AMMECR1: variants seen among roughly 807,000 people sequenced by gnomAD.
AMMECR1 encodes the protein AMMECR nuclear protein 1, also known as nuclear protein AMMECR1.
Under a neutral mutation model 22.5 loss-of-function variants are expected in AMMECR1, and 3 were observed. The observed-to-expected ratio is 0.13, with a 90% confidence interval of 0.06 to 0.35. AMMECR1 has a LOEUF of 0.35. Ranked by LOEUF, AMMECR1 falls within the 10% of genes least tolerant of loss-of-function variation. The probability of loss-of-function intolerance (pLI) is 1.00; values close to 1 mark genes in which losing one functional copy is unlikely to be tolerated. For missense variants in AMMECR1, 235 were observed against 278.7 expected (o/e 0.84, Z 1.12); for synonymous variants, 130 against 116.7 (o/e 1.11, Z -0.74).
intron 2 of AMMECR1, among the ~76,000 whole-genome samples, chrX:110,365,696 C>A (rs989208636): frequency 2.7e-5 from 3 of 111,996 alleles, no homozygotes; most frequent in African/African-American, 9.7e-5. Flanking sequence ...CAGACTAAAC[C>A]TATTTTCCTT....
chrX:110,385,231 G>C (rs745579296), intron 2 of AMMECR1, among the ~76,000 whole-genome samples: 1 of 111,430 alleles, frequency 9.0e-6, no homozygotes, highest in South Asian at 3.9e-4. Flanking sequence ...CTACCTCTTA[G>C]GGTTTTGTGA....
At chrX:110,204,598 TA>T (rs777283510) in intron 3 of AMMECR1, among the ~76,000 whole-genome samples, 4 of 111,920 alleles carry the variant, frequency 3.6e-5, no homozygotes, top group Non-Finnish European at 7.5e-5. Context: ...CTAAGATTTT[TA>T]AAAGTGATTT....
At chrX:110,308,542 T>C (rs1249585635) in intron 1 of AMMECR1, among the ~76,000 whole-genome samples, 3 of 111,102 alleles carry the variant, frequency 2.7e-5, no homozygotes, top group South Asian at 3.8e-4. Flanking sequence ...GTCGGAAAAA[T>C]AGAATATTAT....
chrX:110,210,947 A>G (rs1179669320), intron 3 of AMMECR1, among the ~76,000 whole-genome samples: 3 of 111,757 alleles, frequency 2.7e-5, no homozygotes, highest in Non-Finnish European at 3.8e-5. Context: ...CCCACCCAGC[A>G]TGGGTTGATT....
intron 1 of AMMECR1, among the ~76,000 whole-genome samples, chrX:110,430,426 A>G (rs1176457209): frequency 2.7e-5 from 3 of 112,515 alleles, no homozygotes; most frequent in Non-Finnish European, 5.6e-5. Context: ...TATTATCTTC[A>G]CATTACAGAG....
At chrX:110,375,300 G>T (rs1354523496) in intron 2 of AMMECR1, among the ~76,000 whole-genome samples, 1 of 112,054 alleles carries the variant, frequency 8.9e-6, no homozygotes, top group Non-Finnish European at 1.9e-5. Context: ...TGAGAAAGTG[G>T]AATATACACT....
chrX:110,431,322 G>A (rs866109867), intron 1 of AMMECR1, among the ~76,000 whole-genome samples: 10 of 77,521 alleles, frequency 1.3e-4, no homozygotes, highest in Non-Finnish European at 2.2e-4. Context: ...TGAGGGGAAG[G>A]CTGTGTGTGT....
At chrX:110,218,835 A>G (rs1308297087) in intron 2 of AMMECR1, among the ~76,000 whole-genome samples, 1 of 111,072 alleles carries the variant, frequency 9.0e-6, no homozygotes, top group African/African-American at 3.3e-5. Context: ...GAAACCATTA[A>G]TCTACTTTGT....
intron 1 of AMMECR1, among the ~76,000 whole-genome samples, chrX:110,282,801 A>G (rs1315921403): frequency 2.7e-5 from 3 of 111,740 alleles, no homozygotes; most frequent in Non-Finnish European, 5.6e-5. Context: ...GAGGAAAGCA[A>G]GCATTAACAT....
intron 2 of AMMECR1, among the ~76,000 whole-genome samples, chrX:110,236,943 TATAA>T (rs2067604890): frequency 8.9e-6 from 1 of 111,782 alleles, no homozygotes; most frequent in African/African-American, 3.3e-5. Context: ...CATAGACTGC[TATAA>T]ATAGATAAAA....
At chrX:110,254,076 T>C (rs1036656506) in intron 2 of AMMECR1, among the ~76,000 whole-genome samples, 1 of 110,981 alleles carries the variant, frequency 9.0e-6, no homozygotes, top group African/African-American at 3.3e-5. Flanking sequence ...ATAACCCATT[T>C]CCTAGCACCC....
At chrX:110,319,502 C>A (rs2068070879), upstream of AMMECR1, among the ~76,000 whole-genome samples, 1 of 111,915 alleles carries the variant, frequency 8.9e-6, no homozygotes, top group Non-Finnish European at 1.9e-5. Flanking sequence ...AAATCCAGGG[C>A]GTACTCAGGA....
chrX:110,318,072 C>G lies in AMMECR1; in HGVS notation c.-1G>C. The G allele has an allele frequency of 1.7e-6, 2 of 1,193,030 alleles. No homozygotes were observed. The highest frequency in any genetic ancestry group is 2.3e-6 in the Non-Finnish European group (2 of 886,622). ...TCACCCCGCAGCAACCCGCCGCCAT[C>G]TTGGAACAGTCTCCCCCACGCAGCG... On this transcript the variant is annotated 5_prime_UTR_variant, in exon 1 of 6. Coordinates refer to ENST00000262844, the MANE Select transcript of AMMECR1 (RefSeq NM_015365.3).
rs372790966 is a variant in AMMECR1 at position 110,216,675 on chromosome X, A to G, written c.585-43T>C. ...AATATTAAAGCAATCACTGGATATG[A>G]AAGTTCCCAATTTCAAATGCAAACA... On this transcript the variant is annotated intron_variant, in intron 2 of 5. Transcript: ENST00000262844. 14 of 862,206 alleles carry G rather than the reference A, an allele frequency of 1.6e-5. No homozygotes were observed. The African/African-American group carries it at 2.7e-4, about 16-fold the overall frequency. 71.1% of individuals were successfully genotyped at this position (862,206 alleles called of 1,213,427 possible).
chrX:110,423,526 G>A (rs1431663100), intron 2 of AMMECR1, among the ~76,000 whole-genome samples: 1 of 111,656 alleles, frequency 9.0e-6, no homozygotes, highest in Non-Finnish European at 1.9e-5. Flanking sequence ...GGTCCATTCA[G>A]TAAGGTCACT....
intron 2 of AMMECR1, among the ~76,000 whole-genome samples, chrX:110,369,203 G>A (rs1044005462): frequency 3.6e-5 from 4 of 110,780 alleles, no homozygotes; most frequent in African/African-American, 9.9e-5. Flanking sequence ...GTGGTGGCAC[G>A]CTCCTGTGGT....
At chrX:110,291,907 C>T (rs181628053) in intron 1 of AMMECR1, among the ~76,000 whole-genome samples, 1 of 111,504 alleles carries the variant, frequency 9.0e-6, no homozygotes, top group Admixed American at 9.5e-5. Flanking sequence ...TTCCCTATAC[C>T]AGCAATACTA....
intron 2 of AMMECR1, among the ~76,000 whole-genome samples, chrX:110,234,355 T>A (rs1387812983): frequency 3.6e-5 from 4 of 112,189 alleles, no homozygotes; most frequent in Non-Finnish European, 7.5e-5. Flanking sequence ...AAGAATATTC[T>A]ATGCTCATGG....
At chrX:110,436,933 T>C (rs952574424) in intron 1 of AMMECR1, among the ~76,000 whole-genome samples, 1 of 111,931 alleles carries the variant, frequency 8.9e-6, no homozygotes, top group African/African-American at 3.2e-5. Flanking sequence ...GTAGGGCTTC[T>C]TTTGCTTTGT....
Sources: gnomAD v4.1 joint callset for allele counts (sites outside exome capture counted in the v4.1 genomes callset) on GRCh38, gnomAD v4.1.1 for gene constraint, MANE v1.5 for transcripts, NCBI Gene and HGNC (gene_info 2026-07-23, HGNC 2026-07-21) for gene names.